Variants in ACP4 observed in about 807,000 individuals in gnomAD.
ACP4 encodes testicular acid phosphatase.
In ACP4, 49 loss-of-function variants were observed where a neutral mutation model predicts 47.3. The ratio of observed to expected loss-of-function variants is 1.04; its 90% CI spans 0.82 to 1.32. The LOEUF is 1.32. Among genes scored for constraint, ACP4 ranks in the 40% most tolerant of loss-of-function variants. The pLI is 0.00. For synonymous variants in ACP4, 299 were observed against 265.3 expected (o/e 1.13, Z -1.23); for missense variants, 594 against 579.3 (o/e 1.03, Z -0.26).
rs1417690394 is a variant in ACP4 at position 50,794,571 on chromosome 19, A to G, written c.976A>G (p.Lys326Glu). 1 of 1,614,030 alleles carries G rather than the reference A, an allele frequency of 6.2e-7. No individual in the cohort carries two copies. Among genetic ancestry groups the G allele is most frequent in the South Asian group, 1.1e-5 (1 of 91,072 alleles). Residue 326 changes from lysine to glutamate, a missense_variant, in exon 9 of 11, where the codon AAA (lysine) becomes GAA (glutamate). Coordinates refer to ENST00000270593, the MANE Select transcript of ACP4 (RefSeq NM_033068.3). ...CCGGAAGCACCTGGGGAATCCCGCC[A>G]AAGATGGAGGGTGAGAATGGTTTGG... ...EFRKHLGNPA[K>E]DGGNVTVSLF...
At chr19:50,794,739 G>T in intron 9 of ACP4, 47 bp from the exon 10 acceptor site, 2 of 1,573,646 alleles carry the variant, frequency 1.3e-6, no homozygotes, top group Non-Finnish European at 1.7e-6. Context: ...CAGGCTTTAA[G>T]ATCAATGACA....
At chr19:50,792,661 T>G (rs2089520115) in intron 6 of ACP4, 2 of 234,152 alleles carry the variant, frequency 8.5e-6, no homozygotes, top group East Asian at 9.4e-5. Context: ...GGAGCTGACC[T>G]GAAATGATGC....
At position 50,793,693 on chromosome 19, in the gene ACP4, G is replaced by A. The variant is rs145731955; in HGVS notation, c.655G>A (p.Gly219Ser). The change falls in exon 7 of 11, where the codon GGT becomes AGT. Residue 219 changes from glycine (G) to serine (S), a missense_variant. Gly to Ser is a moderately conservative substitution (Grantham distance 56, BLOSUM62 0). Transcript: ENST00000270593. ...LDTLMCQQAH[G>S]LPLPAWASPD... Reference sequence around the variant, plus strand: ...TCCTGTCTCCCCACAGCAAGCCCACGGTCTTCCACTACCAGCCTGGGCCTC... The same window carrying A: ...TCCTGTCTCCCCACAGCAAGCCCACAGTCTTCCACTACCAGCCTGGGCCTC... 19 of 1,613,190 alleles carry A rather than the reference G, an allele frequency of 1.2e-5. No homozygotes were observed. Among genetic ancestry groups the A allele is most frequent in the African/African-American group, 6.7e-5 (5 of 74,922 alleles).
Position 50,795,074 on chromosome 19 carries a change from A to T in ACP4, c.1197A>T (p.Val399=). The part of the protein sequence containing the change: ...APVVPLLAGA[V]AVLVALSLGL... ...TGGTGCCCCTGCTGGCCGGAGCTGT[A>T]GCTGTGCTGGTGGCACTCAGCTTGG... The change falls in exon 11 of 11, where the codon GTA becomes GTT. Residue 399 remains valine, a synonymous_variant. Transcript: ENST00000270593. The T allele has an allele frequency of 6.3e-7, 1 of 1,599,048 alleles. No homozygotes were observed. The highest frequency in any genetic ancestry group is 8.5e-7 in the Non-Finnish European group (1 of 1,173,496).
rs747660379 is a variant in ACP4, at chr19:50,791,809, G to A, written c.450+7G>A. On this transcript the variant is annotated splice_region_variant and intron_variant, in intron 4 of 10. Transcript: ENST00000270593. Reference sequence around the variant, plus strand: ...GCCCGTGGCTGAGGATAAGGTCAGGGGGCTGGACCCACGTGTGGCGAGGGA... The same window carrying A: ...GCCCGTGGCTGAGGATAAGGTCAGGAGGCTGGACCCACGTGTGGCGAGGGA... The A allele has an allele frequency of 1.9e-6, 3 of 1,588,984 alleles. No homozygotes were observed.
rs753156337 is a variant in ACP4, at chr19:50,794,857, G to A, written c.1058G>A (p.Cys353Tyr). 6.2e-7 allele frequency: 1 copy of A among 1,613,634 alleles called. No homozygotes were observed. Among genetic ancestry groups the A allele is most frequent in the South Asian group, 1.1e-5 (1 of 90,988 alleles). The change falls in exon 10 of 11, where the codon TGC becomes TAC. Residue 353 changes from cysteine to tyrosine, a missense_variant. Cys to Tyr is a radical substitution (Grantham distance 194). Coordinates refer to ENST00000270593, the MANE Select transcript of ACP4 (RefSeq NM_033068.3). ...CCCCTGCCTCTCAGCCTCCCCGGGT[G>A]CCCGGCCCCCTGTCCACTAGGCCGC... The part of the protein sequence containing the change: ...HLPLPLSLPG[C>Y]PAPCPLGRFY...
chr19:50,791,958 A>C, intron 4 of ACP4, 115 bp from the exon 5 acceptor site: 2 of 1,453,432 alleles, frequency 1.4e-6, no homozygotes, highest in Non-Finnish European at 1.8e-6. Context: ...GCTCTCCTGG[A>C]TCTGGGAGAA....
chr19:50,795,213 C>A lies in ACP4; in HGVS notation c.*55C>A. The A allele has an allele frequency of 7.0e-7, 1 of 1,429,586 alleles. No homozygotes were observed. Among genetic ancestry groups the A allele is most frequent in the Admixed American group, 2.2e-5 (1 of 45,650 alleles). 88.6% of individuals were successfully genotyped at this position (1,429,586 alleles called of 1,614,324 possible). A position where few individuals can be genotyped will look rare whatever the true frequency, so the allele number is the denominator to read the frequency against. On this transcript the variant is annotated 3_prime_UTR_variant, in exon 11 of 11. Coordinates refer to ENST00000270593, the MANE Select transcript of ACP4 (RefSeq NM_033068.3). Reference sequence around the variant, plus strand: ...CTGACACTGGACCCCAACATGTATGCTCAGTAGCTGCTCTGGCTTCTGTGA... The same window carrying A: ...CTGACACTGGACCCCAACATGTATGATCAGTAGCTGCTCTGGCTTCTGTGA...
intron 3 of ACP4, 44 bp downstream of exon 3, chr19:50,790,904 T>A (rs372492348): frequency 1.4e-5 from 21 of 1,510,766 alleles, no homozygotes; most frequent in African/African-American, 5.5e-5. Flanking sequence ...ACCTCCCACC[T>A]GTGACCTCCA....
At chr19:50,794,638 G>A (rs565971820) in intron 9 of ACP4, 57 bp downstream of exon 9, 42 of 1,612,898 alleles carry the variant, frequency 2.6e-5, no homozygotes, top group Middle Eastern at 1.7e-4. Flanking sequence ...AAAGCAAGGG[G>A]TGATGTGTCA....
At chr19:50,793,444 G>C in intron 6 of ACP4, 1 of 532,080 alleles carries the variant, frequency 1.9e-6, no homozygotes, top group Non-Finnish European at 3.3e-6. Context: ...GAACCCGAGA[G>C]GCAAGGGTTG....
Position 50,792,262 on chromosome 19 carries a change from G to A in ACP4, c.570G>A (p.Glu190=). The change falls in exon 6 of 11, where the codon GAG becomes GAA. Residue 190 remains glutamate, a synonymous_variant. Coordinates refer to ENST00000270593, the MANE Select transcript of ACP4 (RefSeq NM_033068.3). The part of the protein sequence containing the change: ...EGWTGFLSRL[E]NFTGLSLVGE... ...TCCAGGGCTTCCTGAGTCGCCTGGAGAACTTCACGGGACTGTCGCTGGTTG... is the reference window on the plus strand; with the variant it reads ...TCCAGGGCTTCCTGAGTCGCCTGGAAAACTTCACGGGACTGTCGCTGGTTG... The A allele has an allele frequency of 6.2e-7, 1 of 1,613,456 alleles. No individual in the cohort carries two copies.
intron 6 of ACP4, 56 bp from the exon 7 acceptor site, chr19:50,793,628 G>T (rs1295762960): frequency 6.9e-6 from 11 of 1,595,294 alleles, no homozygotes; most frequent in Non-Finnish European, 9.4e-6. Context: ...CAGGCCTGCG[G>T]GGCCAGAGGC....
At position 50,791,987 on chromosome 19, in the gene ACP4, G is replaced by C. The variant is rs754071127; in HGVS notation, c.451-86G>C. 4 of 1,473,684 alleles carry C rather than the reference G, an allele frequency of 2.7e-6. No individual in the cohort carries two copies. In the South Asian group the frequency reaches 4.0e-5, roughly 15 times the overall value. The allele number at this position is 1,473,684 out of a possible 1,614,324, so 91.3% of individuals were successfully genotyped here. A position where few individuals can be genotyped will look rare whatever the true frequency, so the allele number is the denominator to read the frequency against. On this transcript the variant is annotated intron_variant, in intron 4 of 10. Transcript: ENST00000270593. ...GGGAGAAACTGCGACAAAGACGCAG[G>C]GGCCGAGAGCCCGGGTTCCCCCGAC...
Position 50,795,053 on chromosome 19 carries a change from G to A in ACP4, c.1176G>A (p.Val392=), listed in dbSNP as rs1219246771. ...GTGTTCTCCCTGCAGCTCCAGTGGT[G>A]CCCCTGCTGGCCGGAGCTGTAGCTG... ...YEAAIPPAPV[V]PLLAGAVAVL... The change falls in exon 11 of 11, where the codon GTG becomes GTA. Residue 392 remains valine (V), a synonymous_variant. Transcript: ENST00000270593. 2 of 1,607,278 alleles carry A rather than the reference G, an allele frequency of 1.2e-6. No homozygotes were observed. The highest frequency in any genetic ancestry group is 1.7e-6 in the Non-Finnish European group (2 of 1,177,314).
At chr19:50,790,889 C>T (rs1190948068) in intron 3 of ACP4, 29 bp downstream of exon 3, 1 of 1,532,110 alleles carries the variant, frequency 6.5e-7, no homozygotes, top group South Asian at 1.2e-5. Flanking sequence ...CCACCTGGCC[C>T]CCTGACCTCC....
chr19:50,790,719 G>A (rs989842933), intron 2 of ACP4, 21 bp downstream of exon 2: 11 of 1,541,546 alleles, frequency 7.1e-6, no homozygotes, highest in African/African-American at 4.1e-5. Context: ...GGTAGGCGGT[G>A]AGGGCAAGGG....
chr19:50,794,305 A>C, intron 8 of ACP4, 152 bp from the exon 9 acceptor site: 1 of 1,162,922 alleles, frequency 8.6e-7, no homozygotes, highest in Middle Eastern at 3.0e-4. Context: ...GGCCGCCTGC[A>C]AATGTTGGTA....
chr19:50,791,837 G>A (rs761768474), intron 4 of ACP4, 35 bp downstream of exon 4: 18 of 1,556,378 alleles, frequency 1.2e-5, no homozygotes, highest in Middle Eastern at 4.5e-4. Context: ...GCGAGGGAGG[G>A]AGCGGGTGGA....
Sources: gnomAD v4.1 joint callset for allele counts on GRCh38, gnomAD v4.1.1 for gene constraint, MANE v1.5 for transcripts, NCBI Gene and HGNC (gene_info 2026-07-23, HGNC 2026-07-21) for gene names.